DHX35: variants seen among roughly 807,000 people sequenced by gnomAD.
DHX35 encodes DEAH-box helicase 35, also known as probable ATP-dependent RNA helicase DHX35.
In DHX35, 84 loss-of-function variants were observed where a neutral mutation model predicts 99.6. The ratio of observed to expected loss-of-function variants is 0.84; its 90% CI spans 0.71 to 1.01. The LOEUF is 1.01. DHX35 is among the 50% of genes least tolerant of loss of function. The probability of loss-of-function intolerance (pLI) is 0.00; values close to 1 mark genes in which losing one functional copy is unlikely to be tolerated. For missense variants in DHX35, 852 were observed against 888.5 expected (o/e 0.96, Z 0.52); for synonymous variants, 331 against 316.2 (o/e 1.05, Z -0.50).
chr20:39,034,774 CT>C (rs59858652), intron 21 of DHX35, among the ~76,000 whole-genome samples: 287 of 134,998 alleles, frequency 2.1e-3, no homozygotes, highest in Middle Eastern at 4.2e-3. Context: ...TTTCTTTTTT[CT>C]TTTTTTTTTT....
chr20:39,005,375 C>T (rs557669186), intron 11 of DHX35, among the ~76,000 whole-genome samples: 6 of 152,282 alleles, frequency 3.9e-5, no homozygotes, highest in African/African-American at 1.4e-4. Context: ...TTTCTCCTTC[C>T]TTTGAACTGT....
At chr20:38,974,886 A>G (rs59096774) in intron 3 of DHX35, among the ~76,000 whole-genome samples, 25,909 of 152,160 alleles carry the variant, frequency 0.17, 2,318 homozygotes, top group Middle Eastern at 0.3. Flanking sequence ...GTTTCAGCCA[A>G]CAGAGCGGCC....
intron 14 of DHX35, among the ~76,000 whole-genome samples, chr20:39,017,385 G>A (rs926393): frequency 0.37 from 55,718 of 151,696 alleles, 10,610 homozygotes; most frequent in Middle Eastern, 0.52. Flanking sequence ...AGCATGTAAT[G>A]GGAACTCGAA....
chr20:39,002,729 T>G, intron 9 of DHX35, 43 bp from the exon 10 acceptor site: 10 of 1,552,762 alleles, frequency 6.4e-6, no homozygotes, highest in Non-Finnish European at 8.9e-6. Flanking sequence ...CTGTAATTAA[T>G]GAGCATATTC....
intron 21 of DHX35, among the ~76,000 whole-genome samples, chr20:39,036,854 A>G (rs1050414866): frequency 6.6e-6 from 1 of 151,780 alleles, no homozygotes; most frequent in East Asian, 1.9e-4. Context: ...CACTTCTACT[A>G]TTAACTTGTC....
intron 6 of DHX35, among the ~76,000 whole-genome samples, chr20:38,992,012 A>G (rs2086346249): frequency 6.6e-6 from 1 of 152,166 alleles, no homozygotes; most frequent in Non-Finnish European, 1.5e-5. Context: ...ATAGCTTAAC[A>G]GTCTTCAGAT....
chr20:38,968,429 A>C (rs2085941979), intron 1 of DHX35, among the ~76,000 whole-genome samples: 1 of 152,120 alleles, frequency 6.6e-6, no homozygotes, highest in Non-Finnish European at 1.5e-5. Flanking sequence ...GGTTTCTTTC[A>C]CTTCTGTTAA....
At chr20:38,969,774 C>A (rs1223820401) in intron 2 of DHX35, among the ~76,000 whole-genome samples, 1 of 152,226 alleles carries the variant, frequency 6.6e-6, no homozygotes, top group Non-Finnish European at 1.5e-5. Flanking sequence ...GACCAAAGTG[C>A]AAACTAGAAT....
chr20:38,989,818 C>A (rs894878232), intron 5 of DHX35, among the ~76,000 whole-genome samples: 1 of 152,094 alleles, frequency 6.6e-6, no homozygotes, highest in Non-Finnish European at 1.5e-5. Flanking sequence ...AGTGTATAAT[C>A]AACTCAACAG....
At chr20:39,006,061 T>C (rs3829696) in intron 11 of DHX35, 85 bp from the exon 12 acceptor site, 280,747 of 1,457,164 alleles carry the variant, frequency 0.19, 28,227 homozygotes, top group Middle Eastern at 0.27. Context: ...ATGTTGGAAA[T>C]GTTAAATCTT....
chr20:39,031,997 C>A (rs562588939), intron 20 of DHX35, among the ~76,000 whole-genome samples: 1 of 152,166 alleles, frequency 6.6e-6, no homozygotes, highest in Non-Finnish European at 1.5e-5. Flanking sequence ...GGCCTTTAGA[C>A]ATCTTTATAA....
intron 8 of DHX35, among the ~76,000 whole-genome samples, chr20:38,999,625 G>T (rs1050946343): frequency 1.3e-5 from 2 of 152,308 alleles, no homozygotes; most frequent in South Asian, 4.1e-4. Context: ...CAATGTGCAC[G>T]TGTGTGCACG....
At chr20:38,966,457 G>T (rs1415949636) in intron 1 of DHX35, among the ~76,000 whole-genome samples, 1 of 152,238 alleles carries the variant, frequency 6.6e-6, no homozygotes, top group African/African-American at 2.4e-5. Context: ...ATCACCAGAG[G>T]TCAGAAGTTC....
In DHX35 at chr20:38,966,672, A is replaced by T. The variant is rs1052402838; in HGVS notation, c.41-2409A>T. 4.6e-5 allele frequency among the ~76,000 whole-genome samples: 7 copies of T among 152,236 alleles called. 1 individual carries two copies. The South Asian group carries it at 6.2e-4, about 13-fold the overall frequency. The stretch of plus-strand genomic sequence containing the variant: ...CAACAGAGACTCCATCTCCAAAAAC[A>T]AAAGCTGATAATAGAAGAGATAGAT... On this transcript the variant is annotated intron_variant, in intron 1 of 21. Transcript: ENST00000252011.
At chr20:39,005,010 C>T (rs188014127) in intron 11 of DHX35, among the ~76,000 whole-genome samples, 6 of 152,068 alleles carry the variant, frequency 3.9e-5, no homozygotes, top group Non-Finnish European at 7.3e-5. Context: ...CTGACTTAAC[C>T]TCGAATCTGA....
At chr20:38,964,783 C>T (rs2085886866) in intron 1 of DHX35, among the ~76,000 whole-genome samples, 1 of 152,122 alleles carries the variant, frequency 6.6e-6, no homozygotes, top group Admixed American at 6.6e-5. Context: ...AAAGATAACA[C>T]TGGCAGTGGA....
intron 15 of DHX35, 78 bp downstream of exon 15, chr20:39,018,977 G>T: frequency 7.7e-7 from 1 of 1,304,400 alleles, no homozygotes; most frequent in Middle Eastern, 1.8e-4. Context: ...TGAGCACCCT[G>T]GGGAAGAGGG....
intron 8 of DHX35, among the ~76,000 whole-genome samples, chr20:39,001,360 G>T (rs1479772115): frequency 6.6e-6 from 1 of 152,156 alleles, no homozygotes; most frequent in African/African-American, 2.4e-5. Flanking sequence ...CATCTAACCT[G>T]TACTGAACTT....
At chr20:38,979,287 A>C (rs536958720) in intron 3 of DHX35, among the ~76,000 whole-genome samples, 29 of 152,324 alleles carry the variant, frequency 1.9e-4, no homozygotes, top group Non-Finnish European at 3.8e-4. Flanking sequence ...GTTTGCACAT[A>C]AATCATTTTG....
Sources: allele counts gnomAD v4.1 joint callset (sites outside exome capture counted in the v4.1 genomes callset), GRCh38; gene constraint gnomAD v4.1.1; transcripts MANE v1.5; gene names NCBI Gene and HGNC (gene_info 2026-07-23, HGNC 2026-07-21).